The following BMP4 variants were observed in gnomAD, a reference collection of about 807,000 sequenced individuals.
BMP4 encodes bone morphogenetic protein 4, also known as bone morphogenetic protein 2B.
In BMP4, 3 loss-of-function variants were observed where a neutral mutation model predicts 29.6. That is an observed-to-expected ratio of 0.10 (90% CI 0.05 to 0.26). BMP4 has a LOEUF of 0.26. BMP4 is among the 10% of genes least tolerant of loss of function. The probability of loss-of-function intolerance (pLI) is 1.00; values close to 1 mark genes in which losing one functional copy is unlikely to be tolerated. For missense variants in BMP4, 455 were observed against 550.2 expected, an observed-to-expected ratio of 0.83 and a Z score of 1.73; for synonymous variants, 197 against 213.2, an observed-to-expected ratio of 0.92 and a Z score of 0.66.
rs974329418 is a variant in BMP4 at position 53,954,776 on chromosome 14, G to A, written c.-132-1376C>T. Reference sequence around the variant, plus strand: ...GAGCGCCAGGTCGTCCCCGGGGCCCGGGCCCCATGACTCCTGCCCCAAAGC... The same window carrying A: ...GAGCGCCAGGTCGTCCCCGGGGCCCAGGCCCCATGACTCCTGCCCCAAAGC... On this transcript the variant is annotated intron_variant, in intron 1 of 3. Coordinates refer to ENST00000245451, the MANE Select transcript of BMP4 (RefSeq NM_001202.6). The surrounding 1 kb of genome is among the most constrained non-coding windows in gnomAD (Gnocchi z 4.8). 3.3e-5 allele frequency among the ~76,000 whole-genome samples: 5 copies of A among 152,186 alleles called. No individual in the cohort carries two copies. In the East Asian group the frequency reaches 9.7e-4, roughly 30 times the overall value.
chr14:53,951,973 G>T lies in BMP4; in HGVS notation c.250C>A (p.Arg84=), dbSNP rs1895447235. ...CCAGACTGAAGCCGGTAAAGATCCC[G>T]CATGTAGTCCGGAATGACGGCACTC... ...SKSAVIPDYM[R]DLYRLQSGEE... The change falls in exon 3 of 4, where the codon CGG becomes AGG. Residue 84 remains arginine (R), a synonymous_variant. Transcript: ENST00000245451. 2 of 1,612,590 alleles carry T rather than the reference G, an allele frequency of 1.2e-6. No individual in the cohort carries two copies. The highest frequency in any genetic ancestry group is 2.2e-5 in the South Asian group (2 of 91,084).
At position 53,949,837 on chromosome 14, in the gene BMP4, C is replaced by A. The variant is rs895504337; in HGVS notation, c.*195G>T. 2 of 584,838 alleles carry A rather than the reference C, an allele frequency of 3.4e-6. No individual in the cohort carries two copies. 36.2% of individuals were successfully genotyped at this position (584,838 alleles called of 1,614,324 possible). On this transcript the variant is annotated 3_prime_UTR_variant, in exon 4 of 4. Transcript: ENST00000245451. ...GATCAATATGGTCAAAACATTTGCA[C>A]GTAAAGTCATAAATAAGGTCAAGGT... is the stretch of plus-strand genomic sequence containing the variant.
intron 1 of BMP4, among the ~76,000 whole-genome samples, chr14:53,956,258 C>A (rs961762097): frequency 6.6e-6 from 1 of 152,152 alleles, no homozygotes; most frequent in Admixed American, 6.5e-5. Flanking sequence ...CAAGACCCCA[C>A]AGTTTTTCCC....
In BMP4 at chr14:53,950,874, T is replaced by C; in HGVS notation, c.385A>G (p.Ile129Val). ...GCAGAGTTTTCACTGGTCCCTGGGA[T>C]GTTCTCCAGATGTTCTAGGCACAGT... ...SFHHEEHLEN[I>V]PGTSENSAFR... The change falls in exon 4 of 4, where the codon ATC (isoleucine) becomes GTC (valine). Residue 129 changes from isoleucine to valine, a missense_variant. Ile to Val is a conservative substitution (Grantham distance 29). This residue lies in a region of BMP4 where 249 missense variants were observed against 284.6 expected (regional missense o/e 0.87). Transcript: ENST00000245451. This position sits in a 1 kb window ranked among gnomAD's most constrained non-coding sequence, Gnocchi z 5.4. The C allele has an allele frequency of 6.2e-7, 1 of 1,602,980 alleles. No homozygotes were observed. The highest frequency in any genetic ancestry group is 8.5e-7 in the Non-Finnish European group (1 of 1,179,964).
At position 53,949,979 on chromosome 14, in the gene BMP4, G is replaced by A; in HGVS notation, c.*53C>T. The A allele has an allele frequency of 6.3e-7, 1 of 1,584,442 alleles. No individual in the cohort carries two copies. The highest frequency in any genetic ancestry group is 8.6e-7 in the Non-Finnish European group (1 of 1,156,916). On this transcript the variant is annotated 3_prime_UTR_variant, in exon 4 of 4. Transcript: ENST00000245451. ...ATGGGAACGTGTGTGTGTGGTGTATGTGGTGTGTGTGTGTGGTGTGTATAT... is the reference window on the plus strand; with the variant it reads ...ATGGGAACGTGTGTGTGTGGTGTATATGGTGTGTGTGTGTGGTGTGTATAT...
Position 53,951,968 on chromosome 14 carries a change from A to G in BMP4, c.255T>C (p.Asp85=). The part of the protein sequence containing the change: ...KSAVIPDYMR[D]LYRLQSGEEE... The stretch of plus-strand genomic sequence containing the variant: ...CCTCCCCAGACTGAAGCCGGTAAAG[A>G]TCCCGCATGTAGTCCGGAATGACGG... Residue 85 remains aspartate (D), a synonymous_variant, in exon 3 of 4, where the codon GAT becomes GAC. Coordinates refer to ENST00000245451, the MANE Select transcript of BMP4 (RefSeq NM_001202.6). 6.2e-7 allele frequency: 1 copy of G among 1,612,202 alleles called. No homozygotes were observed. The highest frequency in any genetic ancestry group is 1.3e-5 in the African/African-American group (1 of 75,032).
rs1566577926 is a variant in BMP4, at chr14:53,949,882, C to CCA, written c.*149_*150insTG. On this transcript the variant is annotated 3_prime_UTR_variant, in exon 4 of 4. Coordinates refer to ENST00000245451, the MANE Select transcript of BMP4 (RefSeq NM_001202.6). ...CAAGGTGAATGTTTAGGGATTTTTTCCTTTTTTTTTTTTTTTTTTAAATAA... is the reference window on the plus strand; with the variant it reads ...CAAGGTGAATGTTTAGGGATTTTTTCCACTTTTTTTTTTTTTTTTTTAAATAA... 4 of 590,290 alleles carry CCA rather than the reference C, an allele frequency of 6.8e-6. No individual in the cohort carries two copies. The highest frequency in any genetic ancestry group is 1.1e-5 in the Non-Finnish European group (4 of 373,074). The allele number at this position is 590,290 out of a possible 1,614,324, so 36.6% of individuals were successfully genotyped here.
chr14:53,950,259 C>T lies in BMP4; in HGVS notation c.1000G>A (p.Ala334Thr), dbSNP rs1384567460. ...DWIVAPPGYQ[A>T]FYCHGDCPFP... ...GGGCAGTCCCCATGGCAGTAGAAGG[C>T]CTGGTAGCCTGGTGGGGCCACAATC... The change falls in exon 4 of 4, where the codon GCC (alanine) becomes ACC (threonine). Residue 334 changes from alanine (A) to threonine (T), a missense_variant. By Grantham distance (58) the Ala-to-Thr change is moderately conservative. Coordinates refer to ENST00000245451, the MANE Select transcript of BMP4 (RefSeq NM_001202.6). The surrounding 1 kb of genome is among the most constrained non-coding windows in gnomAD (Gnocchi z 5.4). 2 of 1,614,266 alleles carry T rather than the reference C, an allele frequency of 1.2e-6. No homozygotes were observed. Among genetic ancestry groups the T allele is most frequent in the East Asian group, 2.2e-5 (1 of 44,892 alleles).
In BMP4 at chr14:53,956,803, TC is replaced by T. The variant is rs1394257643; in HGVS notation, c.-387del. The T allele has an allele frequency of 2.5e-6, 1 of 398,360 alleles. No homozygotes were observed. The highest frequency in any genetic ancestry group is 4.4e-6 in the Non-Finnish European group (1 of 226,402). 24.7% of individuals were successfully genotyped at this position (398,360 alleles called of 1,614,324 possible). On this transcript the variant is annotated 5_prime_UTR_variant, in exon 1 of 4. The change abolishes the stop of an existing upstream ORF in the 5' untranslated region. Transcript: ENST00000245451. ...CCGCGCTCCTTCCCTCCCTCCCTCC[TC>T]CTCTGCCTTCTCGCATCTTCCTTCC... is the stretch of plus-strand genomic sequence containing the variant.
In BMP4 at chr14:53,955,043, G is replaced by T. The variant is rs988333815; in HGVS notation, c.-133+1507C>A. Among the ~76,000 whole-genome samples, 2 of 152,200 alleles carry T rather than the reference G, an allele frequency of 1.3e-5. No individual in the cohort carries two copies. The highest frequency in any genetic ancestry group is 2.9e-5 in the Non-Finnish European group (2 of 68,024). On this transcript the variant is annotated intron_variant, in intron 1 of 3. Coordinates refer to ENST00000245451, the MANE Select transcript of BMP4 (RefSeq NM_001202.6). The surrounding 1 kb of genome is among the most constrained non-coding windows in gnomAD (Gnocchi z 4.0). Reference sequence around the variant, plus strand: ...CCTCAGGTCCGGGTGCGGAGGCCGCGGGCGCCCCTGCGCGACCGTCCGCGC... The same window carrying T: ...CCTCAGGTCCGGGTGCGGAGGCCGCTGGCGCCCCTGCGCGACCGTCCGCGC...
intron 1 of BMP4, 143 bp from the exon 2 acceptor site, chr14:53,953,543 CCCCCGCCCCTCGCGG>C (rs1895564566): frequency 7.8e-6 from 3 of 387,008 alleles, no homozygotes; most frequent in African/African-American, 6.2e-5. Flanking sequence ...CCTCCACAGC[CCCCCGCCCCTCGCGG>C]GCCCGCCCCT....
chr14:53,951,334 C>T (rs1348512839), intron 3 of BMP4: 1 of 219,168 alleles, frequency 4.6e-6, no homozygotes, highest in Non-Finnish European at 9.1e-6. Context: ...GAGTATGTTA[C>T]TAAACATTTC....
intron 2 of BMP4, among the ~76,000 whole-genome samples, 170 bp downstream of exon 2, chr14:53,953,106 C>A (rs538376197): frequency 1.3e-5 from 2 of 152,298 alleles, no homozygotes; most frequent in East Asian, 3.9e-4. Flanking sequence ...TAAAAGGAAC[C>A]CGTACGCTTC....
intron 1 of BMP4, among the ~76,000 whole-genome samples, 177 bp downstream of exon 1, chr14:53,956,373 G>A (rs1459389768): frequency 6.6e-6 from 1 of 152,174 alleles, no homozygotes; most frequent in Non-Finnish European, 1.5e-5. Context: ...GCCTGGGCAG[G>A]GGCAGTAGCC....
chr14:53,950,487 A>T lies in BMP4; in HGVS notation c.772T>A (p.Leu258Ile). 3 of 1,614,156 alleles carry T rather than the reference A, an allele frequency of 1.9e-6. No homozygotes were observed. The highest frequency in any genetic ancestry group is 1.7e-6 in the Non-Finnish European group (2 of 1,180,042). Reference protein sequence around the residue: ...QGQHVRISRSLPQGSGNWAQL... With the variant: ...QGQHVRISRSIPQGSGNWAQL... ...GCCCAATTCCCACTCCCTTGAGGTAACGATCGGCTAATCCTGACATGCTGG... is the reference window on the plus strand; with the variant it reads ...GCCCAATTCCCACTCCCTTGAGGTATCGATCGGCTAATCCTGACATGCTGG... Residue 258 changes from leucine to isoleucine, a missense_variant, in exon 4 of 4, where the codon TTA (leucine) becomes ATA (isoleucine). By Grantham distance (5) the Leu-to-Ile change is conservative (BLOSUM62 2). Transcript: ENST00000245451. This position sits in a 1 kb window ranked among gnomAD's most constrained non-coding sequence, Gnocchi z 5.4.
At chr14:53,951,742 T>C (rs573255802) in intron 3 of BMP4, 111 bp downstream of exon 3, 1 of 1,486,648 alleles carries the variant, frequency 6.7e-7, no homozygotes, top group Non-Finnish European at 9.0e-7. Context: ...TTCCTCAGCC[T>C]CCTGGACTGG....
At position 53,952,117 on chromosome 14, in the gene BMP4, C is replaced by CCCT. The variant is rs779801365; in HGVS notation, c.105_106insAGG (p.Val35_Ala36insArg). 1 of 1,613,506 alleles carries CCCT rather than the reference C, an allele frequency of 6.2e-7. No individual in the cohort carries two copies. Among genetic ancestry groups the CCCT allele is most frequent in the Non-Finnish European group, 8.5e-7 (1 of 1,179,558 alleles). ...CCTCCCGCGTGGCCCTGAATCTCGG[C>CCCT]GACTTTTTTCTTCCCCGTCTCAGGT... On this transcript the variant is annotated inframe_insertion, in exon 3 of 4. Coordinates refer to ENST00000245451, the MANE Select transcript of BMP4 (RefSeq NM_001202.6).
At chr14:53,956,274 C>A (rs1367940963) in intron 1 of BMP4, among the ~76,000 whole-genome samples, 1 of 152,150 alleles carries the variant, frequency 6.6e-6, no homozygotes, top group Non-Finnish European at 1.5e-5. Flanking sequence ...TTCCCAACGA[C>A]CCCCCTACCA....
At position 53,950,136 on chromosome 14, in the gene BMP4, G is replaced by C; in HGVS notation, c.1123C>G (p.Pro375Ala). The C allele has an allele frequency of 1.2e-6, 2 of 1,614,188 alleles. No individual in the cohort carries two copies. The highest frequency in any genetic ancestry group is 1.7e-6 in the Non-Finnish European group (2 of 1,180,026). The change falls in exon 4 of 4, where the codon CCC (proline) becomes GCC (alanine). Residue 375 changes from proline to alanine, a missense_variant. Pro to Ala is a conservative substitution (Grantham distance 27, BLOSUM62 -1). Around this residue, in one of 4 missense-constraint regions of BMP4, gnomAD observed 48 missense variants for 90.4 expected, o/e 0.53. Transcript: ENST00000245451. This position sits in a 1 kb window ranked among gnomAD's most constrained non-coding sequence, Gnocchi z 5.4. ...NSSIPKACCV[P>A]TELSAISMLY... The stretch of plus-strand genomic sequence containing the variant: ...ATGGAGATGGCACTCAGTTCAGTGG[G>C]CACACAACAGGCTTTGGGGATACTG...
Sources: gnomAD v4.1 joint callset for allele counts (sites outside exome capture counted in the v4.1 genomes callset) on GRCh38, gnomAD v4.1.1 for gene constraint, gnomAD v4.1.1 regional missense constraint, Gnocchi (gnomAD v3.1) non-coding constraint, MANE v1.5 for transcripts, NCBI Gene and HGNC (gene_info 2026-07-23, HGNC 2026-07-21) for gene names.